The following SYT1 variants were observed in gnomAD, a reference collection of about 807,000 sequenced individuals.
SYT1 encodes synaptotagmin 1, also known as synaptotagmin-1.
In SYT1, 8 loss-of-function variants were observed where a neutral mutation model predicts 44.8. That is an observed-to-expected ratio of 0.18 (90% confidence interval 0.10 to 0.32). The LOEUF is 0.32. SYT1 is among the 10% of genes least tolerant of loss of function. The pLI is 1.00. For missense variants in SYT1, 286 were observed against 509.3 expected (o/e 0.56, Z 4.22); for synonymous variants, 154 against 188.8 (o/e 0.82, Z 1.51).
chr12:79,419,208 A>G (rs776417354), intron 9 of SYT1: 5 of 503,894 alleles, frequency 9.9e-6, no homozygotes, highest in South Asian at 4.6e-5. Context: ...CACATTTCCC[A>G]TCACACAGTT....
chr12:79,392,798 C>CTTTTTTTTTTTTTTTTTTT (rs755888075), intron 9 of SYT1: 3 of 98,890 alleles, frequency 3.0e-5, no homozygotes, highest in South Asian at 3.3e-4. Flanking sequence ...ATTTTTCTTT[C>CTTTTTTTTTTTTTTTTTTT]TTTTTTTTTT....
chr12:79,371,422 C>A (rs888672760), intron 9 of SYT1, among the ~76,000 whole-genome samples: 1 of 152,184 alleles, frequency 6.6e-6, no homozygotes, highest in African/African-American at 2.4e-5. Flanking sequence ...ATTATTTTGA[C>A]AAAGTAACGC....
At chr12:79,021,349 T>G (rs1044664159) in intron 2 of SYT1, among the ~76,000 whole-genome samples, 1 of 151,900 alleles carries the variant, frequency 6.6e-6, no homozygotes, top group Non-Finnish European at 1.5e-5. Context: ...TTAGTAAATT[T>G]TTCCTCTAAT....
intron 3 of SYT1, among the ~76,000 whole-genome samples, chr12:79,179,185 TATAGATATAGATATATAG>T (rs1364867304): frequency 2.1e-5 from 1 of 48,730 alleles, no homozygotes; most frequent in African/African-American, 7.8e-5. Flanking sequence ...GATATATAGA[TATAGATATAGATATATAG>T]ATATAGATAT....
chr12:79,420,069 C>CAGCTAATGGATTTTTGAATTGTTTCT (rs1869010213), intron 9 of SYT1, among the ~76,000 whole-genome samples: 1 of 152,072 alleles, frequency 6.6e-6, no homozygotes, highest in Admixed American at 6.6e-5. Flanking sequence ...CCCAGTTGGT[C>CAGCTAATGGATTTTTGAATTGTTTCT]AGCTAATGGA....
intron 1 of SYT1, among the ~76,000 whole-genome samples, chr12:78,975,776 C>T (rs1868783224): frequency 6.6e-6 from 1 of 152,136 alleles, no homozygotes; most frequent in Non-Finnish European, 1.5e-5. Context: ...TGGCCATTCC[C>T]TCTGAGGAAT....
At chr12:79,445,990 CATATATATATATATATATATATATATAT>C (rs59721146) in intron 10 of SYT1, among the ~76,000 whole-genome samples, 2,153 of 44,224 alleles carry the variant, frequency 0.049, 105 homozygotes, top group African/African-American at 0.091. Context: ...AATCCAAAGA[CATATATATATATATATATATATATATAT>C]ATATATATAT....
chr12:79,211,088 G>A (rs1180444698), intron 3 of SYT1, among the ~76,000 whole-genome samples: 1 of 151,944 alleles, frequency 6.6e-6, no homozygotes, highest in Non-Finnish European at 1.5e-5. Flanking sequence ...ACATATAGGG[G>A]AAAAGTGGGT....
intron 3 of SYT1, among the ~76,000 whole-genome samples, chr12:79,176,289 C>A (rs1330386201): frequency 5.2e-4 from 72 of 139,158 alleles, no homozygotes; most frequent in African/African-American, 5.6e-4. Context: ...AATTCTGTCT[C>A]AAAAAAAAAA....
intron 3 of SYT1, among the ~76,000 whole-genome samples, chr12:79,114,278 T>C (rs1320478524): frequency 6.6e-6 from 1 of 152,158 alleles, no homozygotes; most frequent in Non-Finnish European, 1.5e-5. Context: ...ATTCCATTCA[T>C]GCAGTACAGA....
At chr12:78,920,740 C>G (rs1455478519) in intron 1 of SYT1, among the ~76,000 whole-genome samples, 2 of 151,842 alleles carry the variant, frequency 1.3e-5, no homozygotes, top group African/African-American at 4.8e-5. Flanking sequence ...CTTTCTTTCC[C>G]TTCATGTTTC....
chr12:79,184,524 C>A (rs1872703897), intron 3 of SYT1, among the ~76,000 whole-genome samples: 2 of 151,014 alleles, frequency 1.3e-5, no homozygotes, highest in South Asian at 4.2e-4. Flanking sequence ...ACCCACTGTG[C>A]AGAGAGATTA....
intron 3 of SYT1, among the ~76,000 whole-genome samples, chr12:79,214,067 G>A (rs1874631780): frequency 6.6e-6 from 1 of 151,960 alleles, no homozygotes; most frequent in African/African-American, 2.4e-5. Flanking sequence ...CTATTCTTAG[G>A]TTTGCTATTT....
intron 3 of SYT1, among the ~76,000 whole-genome samples, chr12:79,103,719 C>T (rs557823314): frequency 6.6e-6 from 1 of 151,528 alleles, no homozygotes; most frequent in African/African-American, 2.4e-5. Context: ...TCTTAGTGTC[C>T]AACTCAACTT....
At position 79,097,313 on chromosome 12, in the gene SYT1, C is replaced by T. The variant is rs575955723; in HGVS notation, c.-18+49951C>T. On this transcript the variant is annotated intron_variant, in intron 3 of 10. Transcript: ENST00000261205. ...CACAAGACCCTGAATAGGCCTAGTC[C>T]GTCTTAACTAGTCTGAGGGCTATCA... Among the ~76,000 whole-genome samples the T allele has an allele frequency of 2.4e-4, 36 of 152,070 alleles. No homozygotes were observed. The South Asian group carries it at 5.6e-3, about 24-fold the overall frequency.
intron 9 of SYT1, among the ~76,000 whole-genome samples, chr12:79,417,691 C>T (rs1433316485): frequency 6.6e-6 from 1 of 152,150 alleles, no homozygotes. Context: ...TAAATGGCAT[C>T]ATTTACCCTA....
intron 3 of SYT1, among the ~76,000 whole-genome samples, chr12:79,119,956 C>T (rs941998071): frequency 6.6e-6 from 1 of 152,076 alleles, no homozygotes; most frequent in Non-Finnish European, 1.5e-5. Context: ...TAGTGAAGGT[C>T]CCAGCTGCCT....
intron 3 of SYT1, among the ~76,000 whole-genome samples, chr12:79,109,412 T>C (rs912341055): frequency 6.6e-6 from 1 of 152,208 alleles, no homozygotes; most frequent in Non-Finnish European, 1.5e-5. Context: ...TACATGAATG[T>C]CCAGGATGGT....
At chr12:78,935,981 T>A (rs1878033905) in intron 1 of SYT1, among the ~76,000 whole-genome samples, 1 of 152,118 alleles carries the variant, frequency 6.6e-6, no homozygotes, top group Non-Finnish European at 1.5e-5. Context: ...AGAGTTCATT[T>A]TCTTTGATAA....
Sources: gnomAD v4.1 joint callset for allele counts (sites outside exome capture counted in the v4.1 genomes callset) on GRCh38, gnomAD v4.1.1 for gene constraint, MANE v1.5 for transcripts, NCBI Gene and HGNC (gene_info 2026-07-23, HGNC 2026-07-21) for gene names.